Variants in CGGBP1 observed in about 807,000 individuals in gnomAD.
CGGBP1 encodes CGG triplet repeat binding protein 1, also known as CGG triplet repeat-binding protein 1.
CGGBP1 carries 4 observed loss-of-function variants against 11.4 expected under a neutral mutation model. That is an observed-to-expected ratio of 0.35 (90% CI 0.17 to 0.80). The LOEUF (loss-of-function observed/expected upper bound fraction) is 0.80. Ranked by LOEUF, CGGBP1 falls within the 30% of genes least tolerant of loss-of-function variation. CGGBP1 has a pLI of 0.52. For missense variants in CGGBP1, 135 were observed against 202.1 expected (o/e 0.67, Z 2.01); for synonymous variants, 76 against 74.1 (o/e 1.03, Z -0.13).
intron 2 of CGGBP1, among the ~76,000 whole-genome samples, chr3:88,090,435 G>T (rs1327752844): frequency 6.6e-6 from 1 of 151,904 alleles, no homozygotes; most frequent in South Asian, 2.1e-4. Flanking sequence ...TAAAGAATAA[G>T]GATATAAAGA....
intron 2 of CGGBP1, among the ~76,000 whole-genome samples, chr3:88,088,364 G>T (rs1365109278): frequency 2.6e-5 from 4 of 151,934 alleles, no homozygotes; most frequent in South Asian, 2.1e-4. Flanking sequence ...AATTTTGAAA[G>T]AAAGTGTTAA....
chr3:88,135,282 A>T (rs1706707249), intron 2 of CGGBP1: 2 of 1,190,502 alleles, frequency 1.7e-6, no homozygotes, highest in Non-Finnish European at 2.2e-6. Flanking sequence ...GATAAAATTT[A>T]TTTGATTTTA....
intron 2 of CGGBP1, among the ~76,000 whole-genome samples, chr3:88,089,102 T>C (rs1708500375): frequency 6.6e-6 from 1 of 151,866 alleles, no homozygotes; most frequent in African/African-American, 2.4e-5. Context: ...AAAATTATAT[T>C]TATTTTGTGA....
Position 88,058,167 on chromosome 3 carries a change from AAT to A in CGGBP1, c.-276_-275del, listed in dbSNP as rs1706615933. The A allele has an allele frequency of 6.6e-6, 1 of 152,340 alleles. No individual in the cohort carries two copies. The highest frequency in any genetic ancestry group is 1.5e-5 in the Non-Finnish European group (1 of 68,028). The allele number at this position is 152,340 out of a possible 1,614,324, so 9.4% of individuals were successfully genotyped here. A position where few individuals can be genotyped will look rare whatever the true frequency, so the allele number is the denominator to read the frequency against. Reference sequence around the variant, plus strand: ...GTTTTTCAACAAGTGGTGGTGGGGAAATAGTTTCTGGGCTTGCACCCGATTTT... The same window carrying A: ...GTTTTTCAACAAGTGGTGGTGGGGAAAGTTTCTGGGCTTGCACCCGATTTT... On this transcript the variant is annotated 5_prime_UTR_variant, in exon 2 of 4. The change abolishes the stop of an existing upstream ORF in the 5' untranslated region. Coordinates refer to ENST00000482016, the MANE Select transcript of CGGBP1 (RefSeq NM_001008390.2).
At chr3:88,094,662 T>G (rs983690955) in intron 2 of CGGBP1, among the ~76,000 whole-genome samples, 2 of 152,124 alleles carry the variant, frequency 1.3e-5, no homozygotes, top group African/African-American at 4.8e-5. Context: ...CTTTATTCTT[T>G]AAAAGTTATT....
chr3:88,108,093 G>C (rs1332243950), intron 2 of CGGBP1, among the ~76,000 whole-genome samples: 1 of 151,958 alleles, frequency 6.6e-6, no homozygotes, highest in East Asian at 1.9e-4. Context: ...GGTGCCTGGA[G>C]ATATTACTAG....
intron 2 of CGGBP1, among the ~76,000 whole-genome samples, chr3:88,103,790 G>A (rs1704573974): frequency 7.6e-6 from 1 of 130,846 alleles, no homozygotes; most frequent in Non-Finnish European, 1.6e-5. Context: ...TTTTTGAGAT[G>A]GAGTCTTGCT....
chr3:88,074,582 T>TC (rs1305632968), intron 2 of CGGBP1, among the ~76,000 whole-genome samples: 1 of 152,110 alleles, frequency 6.6e-6, no homozygotes, highest in Non-Finnish European at 1.5e-5. Context: ...CCTCAAGTGA[T>TC]CCGCCTGCCT....
intron 2 of CGGBP1, among the ~76,000 whole-genome samples, chr3:88,128,210 A>AT (rs1248360533): frequency 2.6e-5 from 4 of 152,122 alleles, no homozygotes; most frequent in African/African-American, 9.7e-5. Context: ...ATATTTTAAA[A>AT]TTGTGTAAAG....
chr3:88,087,301 C>T (rs989117010), intron 2 of CGGBP1, among the ~76,000 whole-genome samples: 4 of 151,598 alleles, frequency 2.6e-5, no homozygotes, highest in African/African-American at 9.7e-5. Flanking sequence ...TGGTCTTGAA[C>T]TCCTGACAGG....
intron 2 of CGGBP1, among the ~76,000 whole-genome samples, chr3:88,079,524 T>G (rs917113700): frequency 1.3e-5 from 2 of 152,078 alleles, no homozygotes; most frequent in African/African-American, 4.8e-5. Flanking sequence ...TGAAGAATTT[T>G]CTAATAAAGT....
At chr3:88,098,707 A>T (rs1446393322) in intron 2 of CGGBP1, among the ~76,000 whole-genome samples, 2 of 152,248 alleles carry the variant, frequency 1.3e-5, no homozygotes, top group Non-Finnish European at 2.9e-5. Context: ...AATCCAGCAT[A>T]TAAACAGAAC....
In CGGBP1 at chr3:88,058,069, C is replaced by G. The variant is rs907833120; in HGVS notation, c.-176G>C. ...CTTGATACTTAGCAGGGAATGGTCT[C>G]CAGAGCGAAACCAGAGACGCATCAA... On this transcript the variant is annotated 5_prime_UTR_variant, in exon 2 of 4. Coordinates refer to ENST00000482016, the MANE Select transcript of CGGBP1 (RefSeq NM_001008390.2). 6 of 152,184 alleles carry G rather than the reference C, an allele frequency of 3.9e-5. No homozygotes were observed. In the South Asian group the frequency reaches 1.2e-3, roughly 32 times the overall value. The allele number at this position is 152,184 out of a possible 1,614,324, so 9.4% of individuals were successfully genotyped here.
intron 2 of CGGBP1, among the ~76,000 whole-genome samples, chr3:88,107,620 A>G (rs1704823615): frequency 6.6e-6 from 1 of 152,092 alleles, no homozygotes; most frequent in African/African-American, 2.4e-5. Context: ...TTAAACATGT[A>G]TACTCCACCT....
chr3:88,103,718 A>G (rs1316218333), intron 2 of CGGBP1, among the ~76,000 whole-genome samples: 1 of 151,942 alleles, frequency 6.6e-6, no homozygotes, highest in Non-Finnish European at 1.5e-5. Flanking sequence ...TTAAAACACA[A>G]TGAAGTGACA....
chr3:88,109,815 ATATAT>A (rs1704981601), intron 2 of CGGBP1, among the ~76,000 whole-genome samples: 5 of 152,306 alleles, frequency 3.3e-5, no homozygotes, highest in African/African-American at 1.2e-4. Context: ...GTAAAAAATA[ATATAT>A]TAAACACATT....
At chr3:88,097,857 C>T (rs1394570277) in intron 2 of CGGBP1, among the ~76,000 whole-genome samples, 1 of 152,074 alleles carries the variant, frequency 6.6e-6, no homozygotes, top group Non-Finnish European at 1.5e-5. Flanking sequence ...ATTTATAGCA[C>T]TAAATGCCCA....
intron 2 of CGGBP1, among the ~76,000 whole-genome samples, chr3:88,119,098 C>T (rs1200264908): frequency 4.7e-5 from 7 of 149,184 alleles, no homozygotes; most frequent in South Asian, 2.2e-4. Context: ...ATGTTTACTG[C>T]GGCATTATTC....
intron 2 of CGGBP1, among the ~76,000 whole-genome samples, chr3:88,112,316 C>T (rs887332682): frequency 7.3e-5 from 11 of 151,580 alleles, no homozygotes; most frequent in African/African-American, 2.7e-4. Context: ...GGTAGTTACA[C>T]TTGAGGATCT....
Sources: gnomAD v4.1 joint callset for allele counts (sites outside exome capture counted in the v4.1 genomes callset) on GRCh38, gnomAD v4.1.1 for gene constraint, MANE v1.5 for transcripts, NCBI Gene and HGNC (gene_info 2026-07-23, HGNC 2026-07-21) for gene names.